Variants in ALYREF observed in about 807,000 individuals in gnomAD.
ALYREF encodes the protein Aly/REF export factor.
In ALYREF, 1 loss-of-function variant was observed where a neutral mutation model predicts 25.2. The ratio of observed to expected loss-of-function variants is 0.04; its 90% CI spans 0.01 to 0.19. The LOEUF (loss-of-function observed/expected upper bound fraction) is 0.19, where lower values mean the gene tolerates loss of function less well. Ranked by LOEUF, ALYREF falls within the 10% of genes least tolerant of loss-of-function variation. ALYREF has a pLI of 1.00. For synonymous variants in ALYREF, 193 were observed against 153.5 expected (o/e 1.26, Z -1.90); for missense variants, 328 against 375.6 (o/e 0.87, Z 1.05).
chr17:81,891,486 C>T lies in ALYREF; in HGVS notation c.95G>A (p.Gly32Glu). 2.4e-6 allele frequency: 3 copies of T among 1,231,472 alleles called. No individual in the cohort carries two copies. Among genetic ancestry groups the T allele is most frequent in the Non-Finnish European group, 3.1e-6 (3 of 968,372 alleles). The allele number at this position is 1,231,472 out of a possible 1,614,324, so 76.3% of individuals were successfully genotyped here. ...LNRSQRGGRG[G>E]GRGRGRAGSQ... ...GCCGGCCCGGCCGCGGCCCCGGCCC[C>T]CGCCCCGGCCGCCTCGCTGGCTCCG... The change falls in exon 1 of 6, where the codon GGG (glycine) becomes GAG (glutamate). Residue 32 changes from glycine to glutamate, a missense_variant. Gly to Glu is a moderately conservative substitution (Grantham distance 98, BLOSUM62 -2). Around this residue, in one of 3 missense-constraint regions of ALYREF, gnomAD observed 150 missense variants for 135.3 expected, o/e 1.11. Coordinates refer to ENST00000505490, the MANE Select transcript of ALYREF (RefSeq NM_005782.4).
rs1414535439 is a variant in ALYREF, at chr17:81,888,265, G to A, written c.756C>T (p.Ala252=). 5.6e-6 allele frequency: 9 copies of A among 1,610,400 alleles called. No individual in the cohort carries two copies. The African/African-American group carries it at 9.3e-5, about 17-fold the overall frequency. The change falls in exon 5 of 6, where the codon GCC becomes GCT. Residue 252 remains alanine, a synonymous_variant. Coordinates refer to ENST00000505490, the MANE Select transcript of ALYREF (RefSeq NM_005782.4). The surrounding 1 kb of genome is among the most constrained non-coding windows in gnomAD (Gnocchi z 5.8). Reference sequence around the variant, plus strand: ...CTCTCGCATTATAGGCGTCCAGCTGGGCATCCAGCTCCTCTGCCGAAAGCT... The same window carrying A: ...CTCTCGCATTATAGGCGTCCAGCTGAGCATCCAGCTCCTCTGCCGAAAGCT... ...KQQLSAEELD[A]QLDAYNARMD... is the part of the protein sequence containing the mutation.
Position 81,888,822 on chromosome 17 carries a change from C to A in ALYREF, c.539-239G>T. On this transcript the variant is annotated intron_variant, in intron 3 of 5. Transcript: ENST00000505490. This position sits in a 1 kb window ranked among gnomAD's most constrained non-coding sequence, Gnocchi z 5.8. ...CTAGGTGGGCTGCTCGCTGAGGTATCGGGGTGCTCGTGGGTGGAGAGGTGT... is the reference window on the plus strand; with the variant it reads ...CTAGGTGGGCTGCTCGCTGAGGTATAGGGGTGCTCGTGGGTGGAGAGGTGT... 1.4e-6 allele frequency: 2 copies of A among 1,421,510 alleles called. No individual in the cohort carries two copies. Among genetic ancestry groups the A allele is most frequent in the Non-Finnish European group, 1.8e-6 (2 of 1,090,654 alleles). 88.1% of individuals were successfully genotyped at this position (1,421,510 alleles called of 1,614,324 possible).
In ALYREF at chr17:81,888,232, G is replaced by A. The variant is rs367776518; in HGVS notation, c.780+9C>T. ...GACCAGGCCCCCAGCTGGCTCCCCC[G>A]GGACTCACTCTCGCATTATAGGCGT... On this transcript the variant is annotated intron_variant, in intron 5 of 5. Transcript: ENST00000505490. This position sits in a 1 kb window ranked among gnomAD's most constrained non-coding sequence, Gnocchi z 5.8. 38 of 1,613,272 alleles carry A rather than the reference G, an allele frequency of 2.4e-5. No individual in the cohort carries two copies. The highest frequency in any genetic ancestry group is 3.3e-5 in the Admixed American group (2 of 59,968).
At chr17:81,890,238 C>A (rs1311882715) in intron 2 of ALYREF, among the ~76,000 whole-genome samples, 1 of 152,118 alleles carries the variant, frequency 6.6e-6, no homozygotes, top group East Asian at 1.9e-4. Flanking sequence ...CCACAGCGTA[C>A]AAGGTCTTTA....
intron 1 of ALYREF, 60 bp downstream of exon 1, chr17:81,891,263 C>G (rs2039522578): frequency 9.2e-7 from 1 of 1,092,656 alleles, no homozygotes; most frequent in South Asian, 3.8e-5. Flanking sequence ...GCGAGCGGCC[C>G]CGGCCCCAGC....
Position 81,888,218 on chromosome 17 carries a change from C to A in ALYREF, c.780+23G>T, listed in dbSNP as rs1278538136. 1.9e-6 allele frequency: 3 copies of A among 1,613,908 alleles called. No homozygotes were observed. Among genetic ancestry groups the A allele is most frequent in the Admixed American group, 3.3e-5 (2 of 60,010 alleles). On this transcript the variant is annotated intron_variant, in intron 5 of 5. Transcript: ENST00000505490. This position sits in a 1 kb window ranked among gnomAD's most constrained non-coding sequence, Gnocchi z 5.8. ...CCCACTGCGGCTTTGACCAGGCCCC[C>A]AGCTGGCTCCCCCGGGACTCACTCT... is the stretch of plus-strand genomic sequence containing the variant.
In ALYREF at chr17:81,889,224, C is replaced by T. The variant is rs777282962; in HGVS notation, c.496G>A (p.Ala166Thr). 6.2e-7 allele frequency: 1 copy of T among 1,614,266 alleles called. No homozygotes were observed. Among genetic ancestry groups the T allele is most frequent in the East Asian group, 2.2e-5 (1 of 44,894 alleles). ...TTGTACTGCTTCATGGCCTTCAGGG[C>T]ATCTGCCTTCCGCTCAAAGTGCACG... ...ADVHFERKAD[A>T]LKAMKQYNGV... is the part of the protein sequence containing the mutation. Residue 166 changes from alanine to threonine, a missense_variant, in exon 3 of 6, where the codon GCC becomes ACC. Physicochemically the swap from Ala to Thr is moderately conservative, Grantham distance 58. Coordinates refer to ENST00000505490, the MANE Select transcript of ALYREF (RefSeq NM_005782.4).
Position 81,888,311 on chromosome 17 carries a change from G to A in ALYREF, c.710C>T (p.Ala237Val). Reference protein sequence around the residue: ...RGGARGRGRGAGRNSKQQLSA... With the variant: ...RGGARGRGRGVGRNSKQQLSA... ...AAGCTGCTGCTTTGAATTCCTGCCGGCACCTCTGCCTCTTCCACGGGCGCC... is the reference window on the plus strand; with the variant it reads ...AAGCTGCTGCTTTGAATTCCTGCCGACACCTCTGCCTCTTCCACGGGCGCC... The change falls in exon 5 of 6, where the codon GCC becomes GTC. Residue 237 changes from alanine (A) to valine (V), a missense_variant. Coordinates refer to ENST00000505490, the MANE Select transcript of ALYREF (RefSeq NM_005782.4). The surrounding 1 kb of genome is among the most constrained non-coding windows in gnomAD (Gnocchi z 5.8). 6.2e-7 allele frequency: 1 copy of A among 1,607,244 alleles called. No individual in the cohort carries two copies. Among genetic ancestry groups the A allele is most frequent in the African/African-American group, 1.3e-5 (1 of 75,036 alleles).
Position 81,888,533 on chromosome 17 carries a change from T to A in ALYREF, c.589A>T (p.Arg197Trp). 6.3e-7 allele frequency: 1 copy of A among 1,597,920 alleles called. No homozygotes were observed. The highest frequency in any genetic ancestry group is 8.5e-7 in the Non-Finnish European group (1 of 1,171,446). The change falls in exon 4 of 6, where the codon AGG (arginine) becomes TGG (tryptophan). Residue 197 changes from arginine (R) to tryptophan (W), a missense_variant. Physicochemically the swap from Arg to Trp is moderately radical, Grantham distance 101 (BLOSUM62 -3). Transcript: ENST00000505490. This position sits in a 1 kb window ranked among gnomAD's most constrained non-coding sequence, Gnocchi z 5.8. ...CCCGGAAGTCACCTCTGTGCAGGCC[T>A]CCGCTGTGCGTCAATCTGTGACGTG... is the stretch of plus-strand genomic sequence containing the variant. ...LVTSQIDAQR[R>W]PAQSVNRGGM...
At chr17:81,889,502 G>C (rs1400915046) in intron 2 of ALYREF, among the ~76,000 whole-genome samples, 173 bp from the exon 3 acceptor site, 1 of 152,208 alleles carries the variant, frequency 6.6e-6, no homozygotes, top group Non-Finnish European at 1.5e-5. Context: ...CAACTTCCAA[G>C]AGCACCTGGG....
At chr17:81,890,979 G>A (rs1301342161) in intron 1 of ALYREF, 159 bp from the exon 2 acceptor site, 5 of 1,108,462 alleles carry the variant, frequency 4.5e-6, no homozygotes, top group Non-Finnish European at 2.5e-6. Context: ...GCCCCAGCCC[G>A]AGGCCGCACG....
rs577371927 is a variant in ALYREF, at chr17:81,889,285, G to A, written c.435C>T (p.His145=). The A allele has an allele frequency of 4.6e-4, 741 of 1,614,232 alleles. 14 individuals carry two copies. In the South Asian group the frequency reaches 7.9e-3, roughly 17 times the overall value. ...CTAAGCTGCGACCAGAGCGATCATA[G>A]TGCACAGCCGCCTTCTTCAGCGTTC... The part of the protein sequence containing the change: ...EFGTLKKAAV[H]YDRSGRSLGT... The change falls in exon 3 of 6, where the codon CAC becomes CAT. Residue 145 remains histidine, a synonymous_variant. Coordinates refer to ENST00000505490, the MANE Select transcript of ALYREF (RefSeq NM_005782.4).
rs1255635979 is a variant in ALYREF, at chr17:81,888,964, C to G, written c.538+218G>C. On this transcript the variant is annotated intron_variant, in intron 3 of 5. Transcript: ENST00000505490. The surrounding 1 kb of genome is among the most constrained non-coding windows in gnomAD (Gnocchi z 5.8). ...ACAGAAGTGAATCTTCCGGAAGGAG[C>G]TGAAGGAGGGGAGGGATGTAGCTTG... 17 of 1,418,964 alleles carry G rather than the reference C, an allele frequency of 1.2e-5. No individual in the cohort carries two copies. Among genetic ancestry groups the G allele is most frequent in the Non-Finnish European group, 1.4e-5 (15 of 1,088,788 alleles). The allele number at this position is 1,418,964 out of a possible 1,614,324, so 87.9% of individuals were successfully genotyped here.
intron 1 of ALYREF, 55 bp from the exon 2 acceptor site, chr17:81,890,875 C>T: frequency 1.9e-6 from 3 of 1,612,174 alleles, no homozygotes; most frequent in South Asian, 1.1e-5. Context: ...CAGGGCTTTC[C>T]TGACCCTCAC....
In ALYREF at chr17:81,888,065, G is replaced by GC. The variant is rs368637516; in HGVS notation, c.*65dup. 11 of 1,604,140 alleles carry GC rather than the reference G, an allele frequency of 6.9e-6. No homozygotes were observed. The highest frequency in any genetic ancestry group is 6.6e-5 in the South Asian group (6 of 90,636). On this transcript the variant is annotated 3_prime_UTR_variant, in exon 6 of 6. Coordinates refer to ENST00000505490, the MANE Select transcript of ALYREF (RefSeq NM_005782.4). This position sits in a 1 kb window ranked among gnomAD's most constrained non-coding sequence, Gnocchi z 5.8. ...CATTGGCCGCACAGCCCCAGCCACCGCCCCCCAACCAGGGAGCAAGAGGAG... is the reference window on the plus strand; with the variant it reads ...CATTGGCCGCACAGCCCCAGCCACCGCCCCCCCAACCAGGGAGCAAGAGGAG...
Position 81,888,942 on chromosome 17 carries a change from G to C in ALYREF, c.538+240C>G. 7.1e-7 allele frequency: 1 copy of C among 1,415,648 alleles called. No individual in the cohort carries two copies. The highest frequency in any genetic ancestry group is 9.2e-7 in the Non-Finnish European group (1 of 1,087,328). 87.7% of individuals were successfully genotyped at this position (1,415,648 alleles called of 1,614,324 possible). A position where few individuals can be genotyped will look rare whatever the true frequency, so the allele number is the denominator to read the frequency against. ...ATGGCGGTTCTGAGAAGGCTTCACA[G>C]AAGTGAATCTTCCGGAAGGAGCTGA... On this transcript the variant is annotated intron_variant, in intron 3 of 5. Coordinates refer to ENST00000505490, the MANE Select transcript of ALYREF (RefSeq NM_005782.4). The surrounding 1 kb of genome is among the most constrained non-coding windows in gnomAD (Gnocchi z 5.8).
At chr17:81,890,864 C>G (rs936811253) in intron 1 of ALYREF, 44 bp from the exon 2 acceptor site, 22 of 1,613,166 alleles carry the variant, frequency 1.4e-5, no homozygotes, top group Non-Finnish European at 1.9e-5. Context: ...GAGTCTCAGT[C>G]CAGGGCTTTC....
Position 81,887,883 on chromosome 17 carries a change from C to T in ALYREF, c.*248G>A. On this transcript the variant is annotated 3_prime_UTR_variant, in exon 6 of 6. Transcript: ENST00000505490. Reference sequence around the variant, plus strand: ...TTTTATTATGGAAAAGGTGGAAACGCCACCTTCTCCACAACAGCAACCAGT... The same window carrying T: ...TTTTATTATGGAAAAGGTGGAAACGTCACCTTCTCCACAACAGCAACCAGT... The T allele has an allele frequency of 2.2e-6, 1 of 458,494 alleles. No homozygotes were observed. Among genetic ancestry groups the T allele is most frequent in the Non-Finnish European group, 3.8e-6 (1 of 263,826 alleles). The allele number at this position is 458,494 out of a possible 1,614,324, so 28.4% of individuals were successfully genotyped here. A position where few individuals can be genotyped will look rare whatever the true frequency, so the allele number is the denominator to read the frequency against.
At chr17:81,890,988 C>G in intron 1 of ALYREF, 168 bp from the exon 2 acceptor site, 2 of 1,010,264 alleles carry the variant, frequency 2.0e-6, no homozygotes, top group African/African-American at 1.6e-5. Flanking sequence ...CGAGGCCGCA[C>G]GGTCCCACCG....
Sources: gnomAD v4.1 joint callset for allele counts (sites outside exome capture counted in the v4.1 genomes callset) on GRCh38, gnomAD v4.1.1 for gene constraint, gnomAD v4.1.1 regional missense constraint, Gnocchi (gnomAD v3.1) non-coding constraint, MANE v1.5 for transcripts, NCBI Gene and HGNC (gene_info 2026-07-23, HGNC 2026-07-21) for gene names.